Variants in XYLT1 observed in about 807,000 individuals in gnomAD.
The protein encoded by XYLT1 is beta-D-xylosyltransferase 1.
A neutral mutation model predicts 91.3 loss-of-function variants in XYLT1; 36 were observed. The ratio of observed to expected loss-of-function variants is 0.39; its 90% CI spans 0.30 to 0.52. XYLT1 has a LOEUF of 0.52. Ranked by LOEUF, XYLT1 falls within the 20% of genes least tolerant of loss-of-function variation. The pLI is 0.68. For missense variants in XYLT1, 1,242 were observed against 1,284.5 expected (o/e 0.97, Z 0.51); for synonymous variants, 588 against 532.0 (o/e 1.11, Z -1.45).
intron 5 of XYLT1, among the ~76,000 whole-genome samples, chr16:17,165,669 G>A (rs2031663782): frequency 6.6e-6 from 1 of 152,240 alleles, no homozygotes. Context: ...TCCAGCCTGG[G>A]TGACAAGAGT....
intron 1 of XYLT1, among the ~76,000 whole-genome samples, chr16:17,443,083 CA>C (rs2036551356): frequency 1.3e-5 from 2 of 152,068 alleles, no homozygotes; most frequent in South Asian, 4.1e-4. Context: ...TGACCTCAGG[CA>C]AGGGTCTTAA....
chr16:17,192,172 C>T (rs2032326285), intron 5 of XYLT1, among the ~76,000 whole-genome samples: 1 of 148,716 alleles, frequency 6.7e-6, no homozygotes, highest in Non-Finnish European at 1.5e-5. Context: ...GATCTCAGCT[C>T]TCTACCACCT....
intron 11 of XYLT1, among the ~76,000 whole-genome samples, chr16:17,116,070 A>G (rs1435756480): frequency 2.0e-5 from 3 of 151,796 alleles, no homozygotes; most frequent in Non-Finnish European, 2.9e-5. Flanking sequence ...TATGGTGTGT[A>G]TTATGTTTAT....
At chr16:17,470,332 G>A in intron 1 of XYLT1, 102 bp downstream of exon 1, 1 of 1,180,062 alleles carries the variant, frequency 8.5e-7, no homozygotes, top group Non-Finnish European at 1.1e-6. Context: ...TAGGCTTGCA[G>A]AGTCCCAGTC....
At chr16:17,379,761 T>TCACACACACACACA (rs1466780792) in intron 1 of XYLT1, among the ~76,000 whole-genome samples, 151 of 117,698 alleles carry the variant, frequency 1.3e-3, no homozygotes, top group African/African-American at 5.3e-3. Context: ...TCTCTCTCTC[T>TCACACACACACACA]CTCACACACA....
chr16:17,125,688 G>A (rs1363102142), intron 10 of XYLT1, among the ~76,000 whole-genome samples: 1 of 152,112 alleles, frequency 6.6e-6, no homozygotes, highest in African/African-American at 2.4e-5. Context: ...TGAGTCCCCA[G>A]CAATCACATG....
At chr16:17,147,614 A>G (rs1406254443) in intron 6 of XYLT1, among the ~76,000 whole-genome samples, 5 of 152,222 alleles carry the variant, frequency 3.3e-5, no homozygotes, top group Admixed American at 2.0e-4. Flanking sequence ...GAGTAAATGG[A>G]GACAACCAAT....
chr16:17,396,448 G>T (rs2035887922), intron 1 of XYLT1, among the ~76,000 whole-genome samples: 2 of 152,182 alleles, frequency 1.3e-5, no homozygotes, highest in African/African-American at 4.8e-5. Flanking sequence ...TGAGAAATGA[G>T]TAAAGATAAA....
chr16:17,438,361 C>T (rs947699115), intron 1 of XYLT1, among the ~76,000 whole-genome samples: 2 of 152,180 alleles, frequency 1.3e-5, no homozygotes, highest in African/African-American at 4.8e-5. Flanking sequence ...ATGACCACTA[C>T]TCTTGTACTT....
intron 2 of XYLT1, among the ~76,000 whole-genome samples, chr16:17,321,781 G>A (rs1301804695): frequency 6.6e-6 from 1 of 152,054 alleles, no homozygotes; most frequent in Non-Finnish European, 1.5e-5. Context: ...AATCTACTCG[G>A]TAGAGACCAG....
At chr16:17,358,106 C>CCCCAGCATCT (rs2035328281) in intron 1 of XYLT1, 56 bp from the exon 2 acceptor site, 1 of 1,519,254 alleles carries the variant, frequency 6.6e-7, no homozygotes. Flanking sequence ...TAACTTACTA[C>CCCCAGCATCT]CCCAGCATCT....
intron 1 of XYLT1, among the ~76,000 whole-genome samples, chr16:17,425,010 C>A (rs2036297488): frequency 6.6e-6 from 1 of 152,170 alleles, no homozygotes; most frequent in African/African-American, 2.4e-5. Context: ...CCTGTGGCAT[C>A]AGCCTCCACC....
intron 3 of XYLT1, among the ~76,000 whole-genome samples, chr16:17,218,584 T>A (rs1431549997): frequency 6.6e-6 from 1 of 152,056 alleles, no homozygotes; most frequent in East Asian, 1.9e-4. Flanking sequence ...CATCCATAGG[T>A]CCTAATTTGG....
Position 17,198,295 on chromosome 16 carries a change from C to T in XYLT1, c.1206G>A (p.Leu402=). The change falls in exon 5 of 12, where the codon CTG becomes CTA. Residue 402 remains leucine (L), a synonymous_variant. Coordinates refer to ENST00000261381, the MANE Select transcript of XYLT1 (RefSeq NM_022166.4). ...TCTCCAGGAGGTCCCGCATGCTCTGCAGGTAGGTGGACAGGAGGCTGGCTC... is the reference window on the plus strand; with the variant it reads ...TCTCCAGGAGGTCCCGCATGCTCTGTAGGTAGGTGGACAGGAGGCTGGCTC... The part of the protein sequence containing the change: ...WGGASLLSTY[L]QSMRDLLEMT... 2 of 1,614,210 alleles carry T rather than the reference C, an allele frequency of 1.2e-6. No homozygotes were observed. The highest frequency in any genetic ancestry group is 1.7e-6 in the Non-Finnish European group (2 of 1,180,032).
chr16:17,342,334 A>T (rs1051389691), intron 2 of XYLT1, among the ~76,000 whole-genome samples: 1 of 152,142 alleles, frequency 6.6e-6, no homozygotes, highest in South Asian at 2.1e-4. Flanking sequence ...CCAAAGGAAA[A>T]GGGCAACCTA....
intron 3 of XYLT1, among the ~76,000 whole-genome samples, chr16:17,245,897 C>T (rs2141740814): frequency 6.6e-6 from 1 of 152,342 alleles, no homozygotes; most frequent in Middle Eastern, 3.4e-3. Flanking sequence ...AATGAACTGA[C>T]TTCAAACACA....
Position 17,155,126 on chromosome 16 carries a change from A to G in XYLT1, c.1370+3703T>C, listed in dbSNP as rs146845429. On this transcript the variant is annotated intron_variant, in intron 6 of 11. Transcript: ENST00000261381. ...CATTGGAAGAAAGCAGGCCTAGAAC[A>G]CAGAGAGGCTTCATCACGTGAGAAT... Among the ~76,000 whole-genome samples, 14 of 152,348 alleles carry G rather than the reference A, an allele frequency of 9.2e-5. No individual in the cohort carries two copies. The East Asian group carries it at 2.7e-3, about 29-fold the overall frequency.
At chr16:17,185,774 G>A (rs1051851457) in intron 5 of XYLT1, among the ~76,000 whole-genome samples, 1 of 152,112 alleles carries the variant, frequency 6.6e-6, no homozygotes, top group African/African-American at 2.4e-5. Context: ...GCTGAGGTGC[G>A]CAGATCACTT....
intron 5 of XYLT1, among the ~76,000 whole-genome samples, chr16:17,168,269 A>T (rs574319854): frequency 2.2e-4 from 34 of 152,320 alleles, no homozygotes; most frequent in African/African-American, 8.2e-4. Flanking sequence ...CCATCAAAAG[A>T]ACAAAATCAT....
Sources: gnomAD v4.1 joint callset for allele counts (sites outside exome capture counted in the v4.1 genomes callset) on GRCh38, gnomAD v4.1.1 for gene constraint, MANE v1.5 for transcripts, NCBI Gene and HGNC (gene_info 2026-07-23, HGNC 2026-07-21) for gene names.